The following GNB1 variants were observed in gnomAD, a reference collection of about 807,000 sequenced individuals.
GNB1 encodes guanine nucleotide-binding protein G(I)/G(S)/G(T) subunit beta-1.
Under a neutral mutation model 42.9 loss-of-function variants are expected in GNB1, and 2 were observed. That is an observed-to-expected ratio of 0.05 (90% CI 0.02 to 0.15). The LOEUF (loss-of-function observed/expected upper bound fraction) is 0.15. GNB1 is among the 10% of genes least tolerant of loss of function. The probability of loss-of-function intolerance (pLI) is 1.00; values close to 1 mark genes in which losing one functional copy is unlikely to be tolerated. For missense variants in GNB1, 193 were observed against 462.2 expected, an observed-to-expected ratio of 0.42 and a Z score of 5.34; for synonymous variants, 183 against 174.7, an observed-to-expected ratio of 1.05 and a Z score of -0.38.
chr1:1,852,543 T>TA (rs997011675), intron 1 of GNB1, among the ~76,000 whole-genome samples: 1 of 151,804 alleles, frequency 6.6e-6, no homozygotes, highest in Non-Finnish European at 1.5e-5. Flanking sequence ...AAATATTTTT[T>TA]AAAAAAATTG....
chr1:1,811,347 C>T (rs1402891271), intron 5 of GNB1, among the ~76,000 whole-genome samples: 3 of 152,062 alleles, frequency 2.0e-5, no homozygotes, highest in South Asian at 2.1e-4. Flanking sequence ...CTTGGCCTCC[C>T]AAAGTGCTGG....
chr1:1,883,627 G>A (rs1231363001), intron 1 of GNB1, among the ~76,000 whole-genome samples: 1 of 152,232 alleles, frequency 6.6e-6, no homozygotes, highest in Non-Finnish European at 1.5e-5. Context: ...GGCTCTAGGA[G>A]CCTGTTTCAC....
intron 1 of GNB1, among the ~76,000 whole-genome samples, chr1:1,854,534 A>G (rs1198120637): frequency 6.6e-6 from 1 of 152,230 alleles, no homozygotes; most frequent in African/African-American, 2.4e-5. Flanking sequence ...CAGCAGATAC[A>G]CAGCAAGAGG....
intron 1 of GNB1, among the ~76,000 whole-genome samples, chr1:1,869,871 T>C (rs1044542513): frequency 2.0e-5 from 3 of 152,146 alleles, no homozygotes; most frequent in Non-Finnish European, 4.4e-5. Flanking sequence ...ATCTTTTCTT[T>C]TTTTTTCTTG....
At chr1:1,823,813 A>G (rs1300431197) in intron 3 of GNB1, among the ~76,000 whole-genome samples, 1 of 152,194 alleles carries the variant, frequency 6.6e-6, no homozygotes, top group Non-Finnish European at 1.5e-5. Context: ...TTAAAAGGAA[A>G]TACTTGACTT....
chr1:1,812,086 A>G (rs530895959), intron 5 of GNB1, among the ~76,000 whole-genome samples: 69 of 152,190 alleles, frequency 4.5e-4, no homozygotes, highest in Non-Finnish European at 7.8e-4. Context: ...ACCCAAAAAA[A>G]CTGGTATTCA....
At chr1:1,819,038 G>C (rs1646895161) in intron 3 of GNB1, among the ~76,000 whole-genome samples, 1 of 152,038 alleles carries the variant, frequency 6.6e-6, no homozygotes. Context: ...ACTGTGAAGG[G>C]ATCCACCAAT....
At chr1:1,874,783 C>G (rs1487297905) in intron 1 of GNB1, among the ~76,000 whole-genome samples, 1 of 151,648 alleles carries the variant, frequency 6.6e-6, no homozygotes, top group Non-Finnish European at 1.5e-5. Flanking sequence ...AAGAGTGACA[C>G]CCTGTCTCAA....
intron 1 of GNB1, chr1:1,890,436 C>T (rs1206922174): frequency 2.7e-5 from 4 of 149,866 alleles, no homozygotes; most frequent in Non-Finnish European, 5.9e-5. Context: ...GGCCTTTGTT[C>T]TCGCGCCGCG....
chr1:1,827,778 C>T (rs531757315), intron 2 of GNB1, among the ~76,000 whole-genome samples: 1 of 152,292 alleles, frequency 6.6e-6, no homozygotes, highest in Admixed American at 6.5e-5. Flanking sequence ...AGTTTTATTT[C>T]ACCAGCACCC....
chr1:1,786,962 G>A lies in GNB1; in HGVS notation c.*101C>T, dbSNP rs1200681580. ...TTTTGAAGTTCTGAGGGGAGGTGTA[G>A]GGTGTCCACGTTAGTACGGTTGGAT... On this transcript the variant is annotated 3_prime_UTR_variant, in exon 12 of 12. Transcript: ENST00000378609. 6.3e-6 allele frequency: 1 copy of A among 158,580 alleles called. No homozygotes were observed. The highest frequency in any genetic ancestry group is 1.8e-4 in the East Asian group (1 of 5,458). 9.8% of individuals were successfully genotyped at this position (158,580 alleles called of 1,614,324 possible).
intron 1 of GNB1, among the ~76,000 whole-genome samples, chr1:1,867,121 G>C (rs1026845834): frequency 1.3e-5 from 2 of 152,010 alleles, no homozygotes; most frequent in South Asian, 4.1e-4. Context: ...ACAAAAATTA[G>C]CCAAGCATGG....
At chr1:1,807,712 T>A (rs538457575) in intron 5 of GNB1, among the ~76,000 whole-genome samples, 1 of 151,352 alleles carries the variant, frequency 6.6e-6, no homozygotes, top group Admixed American at 6.6e-5. Context: ...TTTCTTTTTT[T>A]CTTTTTTTTT....
At chr1:1,873,358 G>GCC (rs1649355490) in intron 1 of GNB1, among the ~76,000 whole-genome samples, 1 of 152,248 alleles carries the variant, frequency 6.6e-6, no homozygotes, top group African/African-American at 2.4e-5. Context: ...TGGAGAGGCA[G>GCC]GCTGAGGAGA....
intron 1 of GNB1, among the ~76,000 whole-genome samples, chr1:1,869,717 GAA>G (rs1263519368): frequency 1.3e-5 from 2 of 152,080 alleles, no homozygotes; most frequent in Non-Finnish European, 2.9e-5. Context: ...AACCCCGAAA[GAA>G]AGTCTCTGAT....
intron 7 of GNB1, among the ~76,000 whole-genome samples, chr1:1,797,501 C>A (rs1179113867): frequency 2.6e-5 from 4 of 151,522 alleles, no homozygotes; most frequent in Non-Finnish European, 5.9e-5. Flanking sequence ...TGCAGTGGTG[C>A]GGCCTCTGCT....
intron 1 of GNB1, among the ~76,000 whole-genome samples, chr1:1,877,178 T>C (rs1298912770): frequency 1.3e-5 from 2 of 151,060 alleles, no homozygotes; most frequent in African/African-American, 4.9e-5. Context: ...TGTATGCCTG[T>C]AATCCCAGCT....
At chr1:1,859,014 G>A (rs1207388418) in intron 1 of GNB1, among the ~76,000 whole-genome samples, 2 of 151,556 alleles carry the variant, frequency 1.3e-5, no homozygotes, top group African/African-American at 4.9e-5. Flanking sequence ...CAATTTATGG[G>A]TATTTATTTT....
At chr1:1,788,965 C>T in intron 10 of GNB1, 88 bp downstream of exon 10, 2 of 950,702 alleles carry the variant, frequency 2.1e-6, no homozygotes, top group Non-Finnish European at 3.3e-6. Context: ...GATACTAAAA[C>T]ACTGCAGCTT....
Sources: gnomAD v4.1 joint callset for allele counts (sites outside exome capture counted in the v4.1 genomes callset) on GRCh38, gnomAD v4.1.1 for gene constraint, MANE v1.5 for transcripts, NCBI Gene and HGNC (gene_info 2026-07-23, HGNC 2026-07-21) for gene names.